MON2: variants seen among roughly 807,000 people sequenced by gnomAD.
MON2 encodes the protein protein MON2 homolog.
Under a neutral mutation model 208.6 loss-of-function variants are expected in MON2, and 84 were observed. The observed-to-expected ratio is 0.40, with a 90% CI of 0.34 to 0.48. The LOEUF (loss-of-function observed/expected upper bound fraction) is 0.48, where lower values mean the gene tolerates loss of function less well. Among genes scored for constraint, MON2 ranks in the 20% least tolerant of loss-of-function variants. The probability of loss-of-function intolerance (pLI) is 0.59; values close to 1 mark genes in which losing one functional copy is unlikely to be tolerated. For synonymous variants in MON2, 660 were observed against 694.0 expected (o/e 0.95, Z 0.77); for missense variants, 1,611 against 2,015.4 (o/e 0.80, Z 3.84).
At chr12:62,578,244 A>G (rs911363886) in intron 30 of MON2, among the ~76,000 whole-genome samples, 1 of 152,164 alleles carries the variant, frequency 6.6e-6, no homozygotes, top group Non-Finnish European at 1.5e-5. Flanking sequence ...GTGTTTTTGT[A>G]GTTAGAGTAT....
chr12:62,556,039 G>A lies in MON2; in HGVS notation c.3256G>A (p.Ala1086Thr). The A allele has an allele frequency of 1.2e-6, 2 of 1,613,446 alleles. No individual in the cohort carries two copies. The highest frequency in any genetic ancestry group is 1.7e-6 in the Non-Finnish European group (2 of 1,179,754). Residue 1086 changes from alanine (A) to threonine (T), a missense_variant, in exon 25 of 35, where the codon GCA (alanine) becomes ACA (threonine). Physicochemically the swap from Ala to Thr is moderately conservative, Grantham distance 58. Coordinates refer to ENST00000393630, the MANE Select transcript of MON2 (RefSeq NM_015026.3). ...LDRVRESSTT[A>T]DKEKIESGGG... ...CAGAGTTCGAGAGTCCTCTACCACT[G>A]CAGACAAAGAAAAGATTGAGTCTGG...
chr12:62,476,146 G>C (rs865910212), intron 1 of MON2, among the ~76,000 whole-genome samples: 51 of 152,260 alleles, frequency 3.3e-4, no homozygotes, highest in Middle Eastern at 3.4e-3. Context: ...GAAGCCAGAG[G>C]TTCTAGAATA....
intron 8 of MON2, among the ~76,000 whole-genome samples, chr12:62,522,670 A>G (rs767064989): frequency 6.6e-6 from 1 of 152,204 alleles, no homozygotes; most frequent in Non-Finnish European, 1.5e-5. Flanking sequence ...GCTAATCTTA[A>G]TACCTGTTTC....
At chr12:62,474,472 T>C (rs1158516156) in intron 1 of MON2, among the ~76,000 whole-genome samples, 11 of 152,038 alleles carry the variant, frequency 7.2e-5, no homozygotes, top group Non-Finnish European at 1.6e-4. Flanking sequence ...TTATCCAGGC[T>C]GGAGTGCAGT....
At chr12:62,522,991 G>A (rs2072137335) in intron 8 of MON2, among the ~76,000 whole-genome samples, 1 of 152,202 alleles carries the variant, frequency 6.6e-6, no homozygotes, top group Non-Finnish European at 1.5e-5. Flanking sequence ...TCCTTCGGCT[G>A]TAATATACTT....
chr12:62,496,866 A>G (rs1316959009), intron 4 of MON2, among the ~76,000 whole-genome samples: 7 of 150,450 alleles, frequency 4.7e-5, no homozygotes, highest in African/African-American at 7.4e-5. Flanking sequence ...ACGTATGTTT[A>G]TTGCGGCACT....
intron 2 of MON2, 92 bp from the exon 3 acceptor site, chr12:62,493,823 G>T: frequency 3.2e-6 from 3 of 951,956 alleles, no homozygotes; most frequent in Non-Finnish European, 2.9e-6. Context: ...GATTTTTTTT[G>T]AGATCGCTAT....
At chr12:62,600,474 TAAC>T (rs2075599379) in exon 35 of MON2, 1 of 152,262 alleles carries the variant, frequency 6.6e-6, no homozygotes, top group Non-Finnish European at 1.5e-5. Flanking sequence ...GGTGTATCAC[TAAC>T]AACTGTTTAG....
intron 26 of MON2, 105 bp from the exon 27 acceptor site, chr12:62,565,127 CATAAA>C: frequency 9.3e-7 from 1 of 1,079,282 alleles, no homozygotes; most frequent in Non-Finnish European, 1.4e-6. Context: ...TGGTATAATA[CATAAA>C]ATAAGACAGT....
rs747362096 is a variant in MON2, at chr12:62,588,135, A to C, written c.4969A>C (p.Lys1657Gln). The change falls in exon 34 of 35, where the codon AAG (lysine) becomes CAG (glutamine). Residue 1657 changes from lysine (K) to glutamine (Q), a missense_variant. By Grantham distance (53) the Lys-to-Gln change is moderately conservative (BLOSUM62 1). Coordinates refer to ENST00000393630, the MANE Select transcript of MON2 (RefSeq NM_015026.3). Reference protein sequence around the residue: ...KAVSTLIDSLKKTQPENVDGN... With the variant: ...KAVSTLIDSLQKTQPENVDGN... The stretch of plus-strand genomic sequence containing the variant: ...AGTCAGTACTCTTATTGATTCACTT[A>C]AGAAAACTCAGCCTGAGAATGGTAA... 1 of 1,579,456 alleles carries C rather than the reference A, an allele frequency of 6.3e-7. No individual in the cohort carries two copies. The highest frequency in any genetic ancestry group is 1.1e-5 in the South Asian group (1 of 88,834).
In MON2 at chr12:62,592,643, T is replaced by C; in HGVS notation, c.5048T>C (p.Ile1683Thr). 2 of 1,612,252 alleles carry C rather than the reference T, an allele frequency of 1.2e-6. No individual in the cohort carries two copies. Among genetic ancestry groups the C allele is most frequent in the Non-Finnish European group, 1.7e-6 (2 of 1,178,544 alleles). Residue 1683 changes from isoleucine to threonine, a missense_variant, in exon 35 of 35, where the codon ATC (isoleucine) becomes ACC (threonine). By Grantham distance (89) the Ile-to-Thr change is moderately conservative. Coordinates refer to ENST00000393630, the MANE Select transcript of MON2 (RefSeq NM_015026.3). The stretch of plus-strand genomic sequence containing the variant: ...TTATACCCAACTTTAGTAGAATGCA[T>C]CACCTGTTCTTCTTCAGAAGTCTGT... The part of the protein sequence containing the change: ...IALYPTLVEC[I>T]TCSSSEVCSA...
At chr12:62,490,283 A>G (rs1300507913) in intron 2 of MON2, among the ~76,000 whole-genome samples, 1 of 152,168 alleles carries the variant, frequency 6.6e-6, no homozygotes, top group East Asian at 1.9e-4. Flanking sequence ...TGTTTTAATG[A>G]AAATAGAAAC....
At chr12:62,549,317 T>A (rs1343487230) in intron 22 of MON2, among the ~76,000 whole-genome samples, 1 of 152,110 alleles carries the variant, frequency 6.6e-6, no homozygotes, top group Non-Finnish European at 1.5e-5. Context: ...TTTTACACAT[T>A]TCTTTTAAAT....
intron 5 of MON2, among the ~76,000 whole-genome samples, chr12:62,499,419 T>C (rs10877864): frequency 0.11 from 17,371 of 152,226 alleles, 1,268 homozygotes; most frequent in Middle Eastern, 0.25. Flanking sequence ...TAGTCTCCTA[T>C]TGGACACTTG....
rs1395208190 is a variant in MON2, at chr12:62,566,517, A to T, written c.4323+67A>T. 4.1e-5 allele frequency: 57 copies of T among 1,379,886 alleles called. No individual in the cohort carries two copies. In the Admixed American group the frequency reaches 1.2e-3, roughly 30 times the overall value. The allele number at this position is 1,379,886 out of a possible 1,614,324, so 85.5% of individuals were successfully genotyped here. ...ACATTATTGAAATTATTCCTTAGGT[A>T]ATACATTATCATTATATTGGGATAA... On this transcript the variant is annotated intron_variant, in intron 29 of 34. Transcript: ENST00000393630.
rs184767948 is a variant in MON2, at chr12:62,596,920, T to G, written c.*4171T>G. The G allele has an allele frequency of 6.6e-6, 1 of 152,228 alleles. No individual in the cohort carries two copies. The highest frequency in any genetic ancestry group is 2.4e-5 in the African/African-American group (1 of 41,466). 9.4% of individuals were successfully genotyped at this position (152,228 alleles called of 1,614,324 possible). ...AGTGTTGGCTATTTAAAAGAACATG[T>G]GGCAAGTTCTATATGAATATTCTTG... On this transcript the variant is annotated 3_prime_UTR_variant, in exon 35 of 35. Coordinates refer to ENST00000393630, the MANE Select transcript of MON2 (RefSeq NM_015026.3).
intron 7 of MON2, among the ~76,000 whole-genome samples, chr12:62,503,812 AC>A (rs1332581139): frequency 2.0e-5 from 3 of 152,052 alleles, no homozygotes; most frequent in Non-Finnish European, 4.4e-5. Flanking sequence ...TTGCTGTCTT[AC>A]TTTTTTGAGG....
intron 25 of MON2, among the ~76,000 whole-genome samples, chr12:62,559,659 C>G (rs2074122571): frequency 6.6e-6 from 1 of 151,824 alleles, no homozygotes; most frequent in Non-Finnish European, 1.5e-5. Flanking sequence ...GTGGCATGTG[C>G]CTGTGATCCC....
At chr12:62,500,413 A>C (rs781131771) in intron 5 of MON2, among the ~76,000 whole-genome samples, 14 of 152,278 alleles carry the variant, frequency 9.2e-5, no homozygotes, top group African/African-American at 3.4e-4. Flanking sequence ...AGAGGAGTTA[A>C]CCATATGGTA....
Sources: gnomAD v4.1 joint callset for allele counts (sites outside exome capture counted in the v4.1 genomes callset) on GRCh38, gnomAD v4.1.1 for gene constraint, MANE v1.5 for transcripts, NCBI Gene and HGNC (gene_info 2026-07-23, HGNC 2026-07-21) for gene names.